KCNK10: variants seen among roughly 807,000 people sequenced by gnomAD.
KCNK10 encodes the protein potassium channel subfamily K member 10.
Under a neutral mutation model 47.7 loss-of-function variants are expected in KCNK10, and 25 were observed. The observed-to-expected ratio is 0.52, with a 90% CI of 0.38 to 0.73. The LOEUF (loss-of-function observed/expected upper bound fraction) is 0.73. KCNK10 is among the 30% of genes least tolerant of loss of function. The probability of loss-of-function intolerance (pLI) is 0.00; values close to 1 mark genes in which losing one functional copy is unlikely to be tolerated. For missense variants in KCNK10, 563 were observed against 714.5 expected, an observed-to-expected ratio of 0.79 and a Z score of 2.42; for synonymous variants, 303 against 285.6, an observed-to-expected ratio of 1.06 and a Z score of -0.61.
upstream of KCNK10, chr14:88,326,585 C>T (rs1466103480): frequency 2.8e-6 from 2 of 706,406 alleles, no homozygotes; most frequent in African/African-American, 3.6e-5. Flanking sequence ...GAAAACAAAA[C>T]ATCGTGGCGC....
At chr14:88,270,526 G>T (rs115286829) in intron 1 of KCNK10, among the ~76,000 whole-genome samples, 2,058 of 152,256 alleles carry the variant, frequency 0.014, 59 homozygotes, top group African/African-American at 0.048. Context: ...TCTCCCTTTG[G>T]GTGAAGCATT....
At chr14:88,225,735 G>C (rs558250023) in intron 4 of KCNK10, among the ~76,000 whole-genome samples, 30 of 152,344 alleles carry the variant, frequency 2.0e-4, no homozygotes, top group African/African-American at 7.0e-4. Context: ...CCTGTTCTGA[G>C]TGTTCAAACT....
chr14:88,186,038 T>C lies in KCNK10; in HGVS notation c.1129A>G (p.Ile377Val). The C allele has an allele frequency of 6.2e-7, 1 of 1,613,528 alleles. No individual in the cohort carries two copies. Among genetic ancestry groups the C allele is most frequent in the Non-Finnish European group, 8.5e-7 (1 of 1,179,958 alleles). The change falls in exon 7 of 7, where the codon ATC becomes GTC. Residue 377 changes from isoleucine (I) to valine (V), a missense_variant. Ile to Val is a conservative substitution (Grantham distance 29, BLOSUM62 3). Coordinates refer to ENST00000319231, the MANE Select transcript of KCNK10 (RefSeq NM_138317.3). This position sits in a 1 kb window ranked among gnomAD's most constrained non-coding sequence, Gnocchi z 5.5. ...IHDKLQRAAT[I>V]RSMERRRLGL... ...AGCCGCCGGCGCTCCATGCTGCGGATGGTGGCCGCCCGCTGCAGCTTATCG... is the reference window on the plus strand; with the variant it reads ...AGCCGCCGGCGCTCCATGCTGCGGACGGTGGCCGCCCGCTGCAGCTTATCG...
At chr14:88,326,667 G>A, upstream of KCNK10, 2 of 577,750 alleles carry the variant, frequency 3.5e-6, no homozygotes, top group Non-Finnish European at 3.0e-6. Flanking sequence ...GGGTGCACTC[G>A]GTGGCAAAGC....
At chr14:88,217,286 C>T (rs1016209915) in intron 4 of KCNK10, among the ~76,000 whole-genome samples, 1 of 152,188 alleles carries the variant, frequency 6.6e-6, no homozygotes, top group African/African-American at 2.4e-5. Flanking sequence ...GACATATGGG[C>T]ACTGGTAAAC....
chr14:88,234,516 C>A (rs998997384), intron 3 of KCNK10, among the ~76,000 whole-genome samples: 1 of 152,134 alleles, frequency 6.6e-6, no homozygotes, highest in African/African-American at 2.4e-5. Flanking sequence ...CTGAAATTTG[C>A]GCCTATAGGA....
chr14:88,235,757 G>A (rs1332195825), intron 3 of KCNK10, among the ~76,000 whole-genome samples: 1 of 152,124 alleles, frequency 6.6e-6, no homozygotes, highest in African/African-American at 2.4e-5. Context: ...TACAATATAT[G>A]TATAGCTGTA....
At chr14:88,281,727 CAT>C (rs10541410) in intron 1 of KCNK10, among the ~76,000 whole-genome samples, 37,060 of 141,448 alleles carry the variant, frequency 0.26, 4,810 homozygotes, top group Non-Finnish European at 0.3. Flanking sequence ...TCTCTCTCTC[CAT>C]ATATATATAT....
At chr14:88,197,859 G>GGAGAGAGGGAGA (rs1884970191) in intron 4 of KCNK10, among the ~76,000 whole-genome samples, 2 of 125,352 alleles carry the variant, frequency 1.6e-5, no homozygotes, top group African/African-American at 6.6e-5. Flanking sequence ...AGGAGGGAAG[G>GGAGAGAGGGAGA]GAGAGAGAGA....
chr14:88,301,737 G>A (rs1047842928), intron 1 of KCNK10, among the ~76,000 whole-genome samples: 27 of 152,118 alleles, frequency 1.8e-4, no homozygotes, highest in African/African-American at 6.5e-4. Flanking sequence ...GTGCAGCATA[G>A]GTTAGAGGAA....
Position 88,186,254 on chromosome 14 carries a change from G to C in KCNK10, c.1012-99C>G. On this transcript the variant is annotated intron_variant, in intron 6 of 6. Transcript: ENST00000319231. The surrounding 1 kb of genome is among the most constrained non-coding windows in gnomAD (Gnocchi z 5.5). ...CTCGGGTGTCCCCACGGGGAGGCCAGGAGGTGACGGAGCACATGCCCAGGG... is the reference window on the plus strand; with the variant it reads ...CTCGGGTGTCCCCACGGGGAGGCCACGAGGTGACGGAGCACATGCCCAGGG... 7.3e-7 allele frequency: 1 copy of C among 1,376,640 alleles called. No individual in the cohort carries two copies. Among genetic ancestry groups the C allele is most frequent in the East Asian group, 2.5e-5 (1 of 39,798 alleles). 85.3% of individuals were successfully genotyped at this position (1,376,640 alleles called of 1,614,324 possible). A position where few individuals can be genotyped will look rare whatever the true frequency, so the allele number is the denominator to read the frequency against.
At chr14:88,270,540 C>T (rs1382776610) in intron 1 of KCNK10, among the ~76,000 whole-genome samples, 1 of 152,164 alleles carries the variant, frequency 6.6e-6, no homozygotes, top group Non-Finnish European at 1.5e-5. Flanking sequence ...AAGCATTGCT[C>T]CCTGCTGTCT....
At chr14:88,296,785 C>T (rs533107180) in intron 1 of KCNK10, among the ~76,000 whole-genome samples, 10 of 152,320 alleles carry the variant, frequency 6.6e-5, no homozygotes, top group South Asian at 4.1e-4. Flanking sequence ...CCAACATCAA[C>T]GCCTAAAACT....
At chr14:88,189,342 G>T (rs1336741315) in intron 5 of KCNK10, among the ~76,000 whole-genome samples, 1 of 152,146 alleles carries the variant, frequency 6.6e-6, no homozygotes, top group Non-Finnish European at 1.5e-5. Context: ...TTTCCTTTCA[G>T]ACAACTCTCT....
intron 1 of KCNK10, among the ~76,000 whole-genome samples, chr14:88,310,130 A>G (rs1888281676): frequency 2.7e-5 from 1 of 37,076 alleles, no homozygotes; most frequent in Non-Finnish European, 4.8e-5. Flanking sequence ...TGTGTTCTGG[A>G]GCTGATGTTT....
chr14:88,320,208 A>C (rs935126084), intron 1 of KCNK10, among the ~76,000 whole-genome samples: 3 of 152,236 alleles, frequency 2.0e-5, no homozygotes, highest in Admixed American at 6.5e-5. Flanking sequence ...GTATGAAACA[A>C]TGTACATAAA....
intron 1 of KCNK10, among the ~76,000 whole-genome samples, chr14:88,293,547 T>C (rs1031438349): frequency 6.6e-5 from 10 of 152,026 alleles, no homozygotes; most frequent in African/African-American, 2.4e-4. Context: ...AAACTAGAAA[T>C]CAAACCCATC....
At chr14:88,305,830 G>A (rs766850043) in intron 1 of KCNK10, among the ~76,000 whole-genome samples, 9 of 152,118 alleles carry the variant, frequency 5.9e-5, no homozygotes, top group Non-Finnish European at 1.0e-4. Flanking sequence ...TACTGCTGTC[G>A]CCCAGTGGAA....
rs992429376 is a variant in KCNK10, at chr14:88,255,623, C to T, written c.402+7579G>A. Among the ~76,000 whole-genome samples the T allele has an allele frequency of 2.6e-5, 4 of 152,024 alleles. No homozygotes were observed. In the East Asian group the frequency reaches 5.8e-4, roughly 22 times the overall value. ...AGTGTCCATTTCACGGTGGAGAGGC[C>T]TCTGAGGACTTCAGTAACTTGCTGG... On this transcript the variant is annotated intron_variant, in intron 2 of 6. Coordinates refer to ENST00000319231, the MANE Select transcript of KCNK10 (RefSeq NM_138317.3).
Sources: gnomAD v4.1 joint callset for allele counts (sites outside exome capture counted in the v4.1 genomes callset) on GRCh38, gnomAD v4.1.1 for gene constraint, Gnocchi (gnomAD v3.1) non-coding constraint, MANE v1.5 for transcripts, NCBI Gene and HGNC (gene_info 2026-07-23, HGNC 2026-07-21) for gene names.